The following COL9A1 variants were observed in gnomAD, a reference collection of about 807,000 sequenced individuals.
COL9A1 encodes the protein collagen alpha-1(IX) chain.
A neutral mutation model predicts 142.6 loss-of-function variants in COL9A1; 104 were observed. That is an observed-to-expected ratio of 0.73 (90% CI 0.62 to 0.86). The LOEUF is 0.86. Among genes scored for constraint, COL9A1 ranks in the 40% least tolerant of loss-of-function variants. The pLI, the probability that COL9A1 is intolerant of heterozygous loss-of-function variation, is 0.00. For synonymous variants in COL9A1, 466 were observed against 396.0 expected (o/e 1.18, Z -2.10); for missense variants, 1,210 against 1,176.6 (o/e 1.03, Z -0.42).
At chr6:70,243,550 C>T (rs1458401511) in intron 28 of COL9A1, among the ~76,000 whole-genome samples, 3 of 151,204 alleles carry the variant, frequency 2.0e-5, no homozygotes, top group Non-Finnish European at 4.4e-5. Context: ...TTTTTTGAGA[C>T]GGAGTCTTTC....
chr6:70,267,327 G>GTTTTTTTTTGTTTTT (rs1554241919), intron 17 of COL9A1, among the ~76,000 whole-genome samples: 1 of 127,032 alleles, frequency 7.9e-6, no homozygotes, highest in African/African-American at 3.0e-5. Flanking sequence ...TGGTTTTTTT[G>GTTTTTTTTTGTTTTT]TTTTTTTTTT....
intron 10 of COL9A1, among the ~76,000 whole-genome samples, chr6:70,279,232 T>C (rs1562322515): frequency 3.3e-5 from 5 of 152,220 alleles, no homozygotes; most frequent in African/African-American, 7.2e-5. Flanking sequence ...CTTTTTATTA[T>C]GGTATGACAA....
chr6:70,230,826 G>C (rs1003487197), intron 36 of COL9A1, among the ~76,000 whole-genome samples: 3 of 152,184 alleles, frequency 2.0e-5, no homozygotes, highest in Admixed American at 6.5e-5. Context: ...AAGCTCCTCA[G>C]GCAATTCCAG....
chr6:70,288,433 T>C (rs1583339693), intron 5 of COL9A1, among the ~76,000 whole-genome samples: 1 of 152,176 alleles, frequency 6.6e-6, no homozygotes, highest in East Asian at 1.9e-4. Context: ...TCTCCTACAA[T>C]ATATTATCAA....
At chr6:70,273,968 T>C in intron 12 of COL9A1, 79 bp downstream of exon 12, 2 of 737,500 alleles carry the variant, frequency 2.7e-6, no homozygotes, top group Non-Finnish European at 3.9e-6. Context: ...AATAAATAAA[T>C]AAATAAAAAG....
At position 70,216,857 on chromosome 6, in the gene COL9A1, A is replaced by G. The variant is rs1257048405; in HGVS notation, c.*40T>C. On this transcript the variant is annotated 3_prime_UTR_variant, in exon 38 of 38. Transcript: ENST00000357250. ...TGTTTCTCACCCAGGCTCCTTCACC[A>G]GGCGTGGTTCATGCAGACAGCCATG... 1 of 1,609,652 alleles carries G rather than the reference A, an allele frequency of 6.2e-7. No homozygotes were observed. The highest frequency in any genetic ancestry group is 8.5e-7 in the Non-Finnish European group (1 of 1,177,146).
intron 6 of COL9A1, chr6:70,283,341 C>A (rs528510796): frequency 1.3e-4 from 136 of 1,039,378 alleles, no homozygotes; most frequent in Non-Finnish European, 1.8e-4. Flanking sequence ...GAGGACTGAG[C>A]ACGCAGCTCT....
Position 70,268,919 on chromosome 6 carries a change from C to A in COL9A1, c.1231-59G>T. The A allele has an allele frequency of 2.7e-6, 4 of 1,461,664 alleles. No homozygotes were observed. In the South Asian group the frequency reaches 4.6e-5, roughly 17 times the overall value. 90.5% of individuals were successfully genotyped at this position (1,461,664 alleles called of 1,614,324 possible). On this transcript the variant is annotated intron_variant, in intron 16 of 37. Coordinates refer to ENST00000357250, the MANE Select transcript of COL9A1 (RefSeq NM_001851.6). Reference sequence around the variant, plus strand: ...GACAGACAGAGTGCATAAACTAGGACTCCCGCTTTGTGACAGTATCTTTTT... The same window carrying A: ...GACAGACAGAGTGCATAAACTAGGAATCCCGCTTTGTGACAGTATCTTTTT...
At chr6:70,262,064 T>G (rs1485802030) in intron 19 of COL9A1, among the ~76,000 whole-genome samples, 2 of 152,120 alleles carry the variant, frequency 1.3e-5, no homozygotes, top group Admixed American at 1.3e-4. Flanking sequence ...AAATACTGTT[T>G]TAGAATGTTG....
chr6:70,273,331 T>C (rs745858299), intron 12 of COL9A1, among the ~76,000 whole-genome samples: 14 of 152,244 alleles, frequency 9.2e-5, no homozygotes, highest in Middle Eastern at 3.4e-3. Context: ...CTCTATAAAT[T>C]GTTGAGATTA....
intron 30 of COL9A1, 139 bp from the exon 31 acceptor site, chr6:70,241,593 C>G: frequency 1.3e-6 from 1 of 748,020 alleles, no homozygotes; most frequent in Non-Finnish European, 2.3e-6. Context: ...CACCACCCAA[C>G]AAGAATCAGG....
intron 30 of COL9A1, 21 bp downstream of exon 30, chr6:70,241,943 C>CTGGAG (rs1770284077): frequency 6.4e-7 from 1 of 1,572,096 alleles, no homozygotes; most frequent in South Asian, 1.2e-5. Flanking sequence ...AAAGAACCTT[C>CTGGAG]TGGAGTGCTG....
chr6:70,271,939 A>C lies in COL9A1; in HGVS notation c.1089+126T>G, dbSNP rs1772426953. ...AGGGTGTTATCCTTAGTAGCCACCTAAGATCTTGCAGGTAGAACACTGTAA... is the reference window on the plus strand; with the variant it reads ...AGGGTGTTATCCTTAGTAGCCACCTCAGATCTTGCAGGTAGAACACTGTAA... On this transcript the variant is annotated intron_variant, in intron 13 of 37. Transcript: ENST00000357250. The C allele has an allele frequency of 2.9e-6, 3 of 1,023,140 alleles. No individual in the cohort carries two copies. The African/African-American group carries it at 4.8e-5, about 17-fold the overall frequency. The allele number at this position is 1,023,140 out of a possible 1,614,324, so 63.4% of individuals were successfully genotyped here.
intron 20 of COL9A1, chr6:70,258,767 T>G (rs950565432): frequency 2.0e-5 from 3 of 152,190 alleles, no homozygotes; most frequent in African/African-American, 7.2e-5. Flanking sequence ...TTTCTTTCTT[T>G]TTTAAAGCAA....
chr6:70,280,541 G>C (rs951375938), intron 10 of COL9A1: 6 of 1,387,554 alleles, frequency 4.3e-6, no homozygotes, highest in Non-Finnish European at 5.6e-6. Flanking sequence ...GTGAGGTCAC[G>C]GTTAGAGACA....
At chr6:70,298,938 G>C (rs1773950372) in intron 4 of COL9A1, among the ~76,000 whole-genome samples, 1 of 151,944 alleles carries the variant, frequency 6.6e-6, no homozygotes. Context: ...ATTCTGCCTG[G>C]GATTCAGTCC....
intron 25 of COL9A1, 24 bp from the exon 26 acceptor site, chr6:70,253,453 T>C: frequency 6.4e-7 from 1 of 1,573,064 alleles, no homozygotes; most frequent in Non-Finnish European, 8.7e-7. Context: ...TACACAATCC[T>C]AGTTTAATCA....
At chr6:70,253,327 G>A (rs772974032) in intron 26 of COL9A1, 58 bp downstream of exon 26, 56 of 1,117,114 alleles carry the variant, frequency 5.0e-5, no homozygotes, top group East Asian at 4.7e-4. Context: ...TTACAAATAC[G>A]TTAGTAAATA....
chr6:70,217,627 G>A (rs9455006), intron 37 of COL9A1, among the ~76,000 whole-genome samples: 2,021 of 152,124 alleles, frequency 0.013, 41 homozygotes, highest in African/African-American at 0.044. Context: ...CACATTTGTG[G>A]CTCACATTAT....
Sources: gnomAD v4.1 joint callset for allele counts (sites outside exome capture counted in the v4.1 genomes callset) on GRCh38, gnomAD v4.1.1 for gene constraint, MANE v1.5 for transcripts, NCBI Gene and HGNC (gene_info 2026-07-23, HGNC 2026-07-21) for gene names.